The following COL25A1 variants were observed in gnomAD, a reference collection of about 807,000 sequenced individuals.
The protein encoded by COL25A1 is collagen type XXV alpha 1 chain.
Under a neutral mutation model 128.4 loss-of-function variants are expected in COL25A1, and 103 were observed. The ratio of observed to expected loss-of-function variants is 0.80; its 90% CI spans 0.68 to 0.94. The LOEUF is 0.94. Among genes scored for constraint, COL25A1 ranks in the 40% least tolerant of loss-of-function variants. The probability of loss-of-function intolerance (pLI) is 0.00; values close to 1 mark genes in which losing one functional copy is unlikely to be tolerated. For synonymous variants in COL25A1, 279 were observed against 277.2 expected (o/e 1.01, Z -0.06); for missense variants, 745 against 840.0 (o/e 0.89, Z 1.40).
At chr4:108,875,221 T>G (rs1739299836) in intron 19 of COL25A1, among the ~76,000 whole-genome samples, 1 of 152,088 alleles carries the variant, frequency 6.6e-6, no homozygotes. Flanking sequence ...GGGATCTAAT[T>G]AAACTAAAGA....
intron 3 of COL25A1, among the ~76,000 whole-genome samples, chr4:109,222,490 T>C (rs1448220646): frequency 6.6e-6 from 1 of 152,206 alleles, no homozygotes. Flanking sequence ...CCCTGGTAAG[T>C]AATTATAAGA....
chr4:109,280,514 A>G (rs1007883422), intron 3 of COL25A1, among the ~76,000 whole-genome samples: 3 of 152,232 alleles, frequency 2.0e-5, no homozygotes, highest in African/African-American at 7.2e-5. Context: ...GAGAAAAGTT[A>G]GCTATGAAGA....
chr4:108,984,483 AG>A (rs201190798), intron 6 of COL25A1, among the ~76,000 whole-genome samples: 2 of 151,842 alleles, frequency 1.3e-5, no homozygotes, highest in Non-Finnish European at 2.9e-5. Context: ...GGAGACCATG[AG>A]GGGGGCGGGA....
At chr4:109,198,172 G>A (rs757329342) in intron 3 of COL25A1, among the ~76,000 whole-genome samples, 1 of 151,716 alleles carries the variant, frequency 6.6e-6, no homozygotes, top group African/African-American at 2.4e-5. Context: ...TCCTTCTTTC[G>A]TGGACTTGTT....
chr4:108,977,458 T>C (rs1752544507), intron 6 of COL25A1, among the ~76,000 whole-genome samples: 1 of 152,216 alleles, frequency 6.6e-6, no homozygotes, highest in Non-Finnish European at 1.5e-5. Context: ...AAGGACTTTA[T>C]TCAATTATTT....
At chr4:108,950,189 T>C (rs1749247321) in intron 8 of COL25A1, among the ~76,000 whole-genome samples, 1 of 152,148 alleles carries the variant, frequency 6.6e-6, no homozygotes, top group Non-Finnish European at 1.5e-5. Context: ...AGACATAACT[T>C]GTCTACCAAC....
At chr4:109,085,905 A>G (rs1764317973) in intron 3 of COL25A1, among the ~76,000 whole-genome samples, 1 of 152,238 alleles carries the variant, frequency 6.6e-6, no homozygotes, top group Admixed American at 6.5e-5. Flanking sequence ...AGTATATTTT[A>G]TAAGGATGAG....
intron 3 of COL25A1, among the ~76,000 whole-genome samples, chr4:109,111,559 G>A (rs1480541423): frequency 1.3e-5 from 2 of 152,156 alleles, no homozygotes; most frequent in Non-Finnish European, 2.9e-5. Flanking sequence ...AGGATTCCTC[G>A]GACACAGACC....
intron 3 of COL25A1, among the ~76,000 whole-genome samples, chr4:109,269,694 C>A (rs1413798249): frequency 2.0e-5 from 3 of 152,040 alleles, no homozygotes; most frequent in Non-Finnish European, 4.4e-5. Context: ...TGACGGTGAA[C>A]ATTTTTTCAT....
At chr4:108,825,053 T>C (rs1038802616) in intron 34 of COL25A1, 143 bp downstream of exon 34, 2 of 581,308 alleles carry the variant, frequency 3.4e-6, no homozygotes, top group Admixed American at 3.1e-5. Flanking sequence ...GTGTATTTTA[T>C]ATTGCTGTTT....
intron 3 of COL25A1, among the ~76,000 whole-genome samples, chr4:109,230,036 T>TG (rs1779060673): frequency 6.6e-6 from 1 of 152,002 alleles, no homozygotes; most frequent in Non-Finnish European, 1.5e-5. Context: ...CCACACACTT[T>TG]TAAACAACCA....
intron 3 of COL25A1, among the ~76,000 whole-genome samples, chr4:109,141,134 T>A (rs1018315563): frequency 3.9e-5 from 6 of 152,258 alleles, no homozygotes; most frequent in Admixed American, 1.3e-4. Flanking sequence ...TTGAGAGTTT[T>A]TAGCATGCAG....
At chr4:108,994,185 G>C (rs988823602) in intron 6 of COL25A1, among the ~76,000 whole-genome samples, 5 of 152,230 alleles carry the variant, frequency 3.3e-5, no homozygotes, top group Admixed American at 6.5e-5. Context: ...GGGGTCGGGG[G>C]ATTTCCCTTT....
intron 3 of COL25A1, among the ~76,000 whole-genome samples, chr4:109,059,949 C>T (rs1323809495): frequency 6.6e-6 from 1 of 152,076 alleles, no homozygotes; most frequent in South Asian, 2.1e-4. Context: ...AAACAAATGG[C>T]AGAGTACAAC....
At chr4:109,277,465 A>C (rs1722953704) in intron 3 of COL25A1, among the ~76,000 whole-genome samples, 1 of 152,150 alleles carries the variant, frequency 6.6e-6, no homozygotes, top group Non-Finnish European at 1.5e-5. Flanking sequence ...GAAAAATCTT[A>C]ACTGAATTCT....
chr4:109,298,432 G>T (rs1388303896), intron 3 of COL25A1, among the ~76,000 whole-genome samples: 1 of 152,060 alleles, frequency 6.6e-6, no homozygotes, highest in Non-Finnish European at 1.5e-5. Context: ...ACTTCAAGGG[G>T]TGGGCATCTG....
At chr4:109,300,099 T>C (rs1725358722) in intron 3 of COL25A1, among the ~76,000 whole-genome samples, 1 of 152,050 alleles carries the variant, frequency 6.6e-6, no homozygotes, top group South Asian at 2.1e-4. Context: ...AGATGGAATC[T>C]TTTTAATAGA....
intron 3 of COL25A1, among the ~76,000 whole-genome samples, chr4:109,106,569 A>C (rs192969477): frequency 2.9e-4 from 44 of 152,298 alleles, no homozygotes; most frequent in South Asian, 6.2e-4. Flanking sequence ...ACTTAAAAAA[A>C]AAAATCAATG....
At chr4:109,011,608 G>T (rs1184099556) in intron 5 of COL25A1, among the ~76,000 whole-genome samples, 2 of 152,198 alleles carry the variant, frequency 1.3e-5, no homozygotes, top group African/African-American at 4.8e-5. Context: ...GAATTTTTCA[G>T]ATGGAGAAAC....
Sources: allele counts gnomAD v4.1 joint callset (sites outside exome capture counted in the v4.1 genomes callset), GRCh38; gene constraint gnomAD v4.1.1; transcripts MANE v1.5; gene names NCBI Gene and HGNC (gene_info 2026-07-23, HGNC 2026-07-21).